The following CHD9 variants were observed in gnomAD, a reference collection of about 807,000 sequenced individuals.
CHD9 encodes the protein chromodomain helicase DNA binding protein 9.
In CHD9, 77 loss-of-function variants were observed where a neutral mutation model predicts 316.1. That is an observed-to-expected ratio of 0.24 (90% CI 0.20 to 0.29). The LOEUF is 0.29. CHD9 is among the 10% of genes least tolerant of loss of function. The probability of loss-of-function intolerance (pLI) is 1.00; values close to 1 mark genes in which losing one functional copy is unlikely to be tolerated. For synonymous variants in CHD9, 1,129 were observed against 1,158.3 expected, an observed-to-expected ratio of 0.97 and a Z score of 0.51; for missense variants, 2,763 against 3,438.1, an observed-to-expected ratio of 0.80 and a Z score of 4.91.
intron 1 of CHD9, chr16:53,121,455 C>G: frequency 2.2e-6 from 1 of 455,966 alleles, no homozygotes; most frequent in Non-Finnish European, 4.4e-6. Flanking sequence ...TTTATAAAAG[C>G]AGAACAGTGT....
At chr16:53,146,254 A>T (rs1176068414) in intron 1 of CHD9, among the ~76,000 whole-genome samples, 13 of 145,828 alleles carry the variant, frequency 8.9e-5, no homozygotes, top group Admixed American at 2.1e-4. Flanking sequence ...TTAGTCGGGC[A>T]TTGTGACGGG....
At chr16:53,222,504 G>A (rs1431276588) in intron 3 of CHD9, 140 bp from the exon 4 acceptor site, 2 of 583,150 alleles carry the variant, frequency 3.4e-6, no homozygotes, top group Non-Finnish European at 6.2e-6. Context: ...TGTCAACGTG[G>A]ATTTCAGGAT....
At chr16:53,115,347 T>C (rs1233063321) in intron 1 of CHD9, among the ~76,000 whole-genome samples, 1 of 152,232 alleles carries the variant, frequency 6.6e-6, no homozygotes, top group Admixed American at 6.5e-5. Flanking sequence ...CAAAAAGAGC[T>C]TTTAAAACGT....
At chr16:53,148,382 C>G (rs920165020) in intron 1 of CHD9, among the ~76,000 whole-genome samples, 1 of 152,196 alleles carries the variant, frequency 6.6e-6, no homozygotes, top group African/African-American at 2.4e-5. Context: ...GCTGGGACTA[C>G]AGGCACACGT....
chr16:53,272,775 A>C (rs1326267474), intron 22 of CHD9, among the ~76,000 whole-genome samples: 2 of 152,188 alleles, frequency 1.3e-5, no homozygotes, highest in Non-Finnish European at 2.9e-5. Context: ...GAATGGAAAA[A>C]CAAATTCAGG....
intron 7 of CHD9, among the ~76,000 whole-genome samples, chr16:53,228,537 G>GTTTTTTTTT (rs758037912): frequency 2.9e-5 from 3 of 105,064 alleles, no homozygotes; most frequent in African/African-American, 1.1e-4. Flanking sequence ...CCATGAAAGT[G>GTTTTTTTTT]TTTTTTTTTT....
intron 10 of CHD9, 184 bp from the exon 11 acceptor site, chr16:53,235,001 C>T (rs1443242708): frequency 7.0e-6 from 3 of 427,316 alleles, no homozygotes; most frequent in Non-Finnish European, 1.2e-5. Flanking sequence ...GGAAATATAC[C>T]TTCCTCTTCA....
chr16:53,234,773 T>C (rs2048479084), intron 10 of CHD9, among the ~76,000 whole-genome samples: 1 of 151,638 alleles, frequency 6.6e-6, no homozygotes, highest in African/African-American at 2.4e-5. Context: ...TGATCAGCAC[T>C]GATTAATTCT....
chr16:53,291,563 T>G (rs1214151335), intron 27 of CHD9, among the ~76,000 whole-genome samples, 162 bp from the exon 28 acceptor site: 1 of 152,188 alleles, frequency 6.6e-6, no homozygotes, highest in Non-Finnish European at 1.5e-5. Flanking sequence ...GGATGAGAAT[T>G]GAGAATAAGC....
At chr16:53,153,119 G>A (rs892830776) in intron 1 of CHD9, among the ~76,000 whole-genome samples, 2 of 152,168 alleles carry the variant, frequency 1.3e-5, no homozygotes, top group Non-Finnish European at 2.9e-5. Context: ...GTGAAGGTCC[G>A]TATGCCCTCA....
At chr16:53,115,594 C>T (rs1042046018) in intron 1 of CHD9, among the ~76,000 whole-genome samples, 2 of 152,144 alleles carry the variant, frequency 1.3e-5, no homozygotes, top group South Asian at 2.1e-4. Flanking sequence ...AAAACCAGGT[C>T]GGATAACTCC....
intron 37 of CHD9, chr16:53,319,948 CTAAG>C (rs1022762152): frequency 1.5e-6 from 1 of 657,734 alleles, no homozygotes; most frequent in Non-Finnish European, 2.0e-6. Flanking sequence ...ATTACAGAGA[CTAAG>C]TAAATATACT....
Position 53,268,098 on chromosome 16 carries a change from A to G in CHD9, c.4689A>G (p.Gly1563=). Residue 1563 remains glycine (G), a synonymous_variant, in exon 22 of 39, where the codon GGA becomes GGG. Coordinates refer to ENST00000447540, the MANE Select transcript of CHD9 (RefSeq NM_001308319.2). ...IWDLITPTED[G]QTRELQNHLG... ...ATCTCATTACTCCAACTGAAGATGG[A>G]CAGACACGAGAGCTACAGAATCATC... 1 of 1,611,204 alleles carries G rather than the reference A, an allele frequency of 6.2e-7. No individual in the cohort carries two copies. The highest frequency in any genetic ancestry group is 8.5e-7 in the Non-Finnish European group (1 of 1,178,366).
At chr16:53,278,609 C>T (rs1371716834) in intron 24 of CHD9, among the ~76,000 whole-genome samples, 2 of 152,124 alleles carry the variant, frequency 1.3e-5, no homozygotes, top group Non-Finnish European at 2.9e-5. Flanking sequence ...ATGCAATCTA[C>T]TTATCTGACA....
At chr16:53,313,314 T>C (rs1046454980) in intron 34 of CHD9, among the ~76,000 whole-genome samples, 1 of 151,464 alleles carries the variant, frequency 6.6e-6, no homozygotes, top group Non-Finnish European at 1.5e-5. Context: ...GGACAAAGTG[T>C]TTTTTTTCTG....
chr16:53,144,217 T>TG (rs769433404), intron 1 of CHD9, among the ~76,000 whole-genome samples: 5 of 152,170 alleles, frequency 3.3e-5, no homozygotes, highest in Admixed American at 1.3e-4. Context: ...ACTATTTTCT[T>TG]GGGAGACTAT....
chr16:53,083,071 A>G (rs1023999099), intron 1 of CHD9, among the ~76,000 whole-genome samples: 3 of 152,244 alleles, frequency 2.0e-5, no homozygotes, highest in Non-Finnish European at 4.4e-5. Context: ...ACAAATAGGC[A>G]TTGATTAAGT....
At chr16:53,057,448 T>A (rs1490311815) in intron 1 of CHD9, among the ~76,000 whole-genome samples, 2 of 151,128 alleles carry the variant, frequency 1.3e-5, no homozygotes, top group Non-Finnish European at 2.9e-5. Context: ...AGGTCAAGAG[T>A]TCGAGACCAG....
intron 1 of CHD9, among the ~76,000 whole-genome samples, chr16:53,086,948 C>T (rs573240480): frequency 6.6e-6 from 1 of 152,266 alleles, no homozygotes; most frequent in South Asian, 2.1e-4. Context: ...TCAGGTGTCC[C>T]TTTCTGCACC....
Sources: gnomAD v4.1 joint callset for allele counts (sites outside exome capture counted in the v4.1 genomes callset) on GRCh38, gnomAD v4.1.1 for gene constraint, MANE v1.5 for transcripts, NCBI Gene and HGNC (gene_info 2026-07-23, HGNC 2026-07-21) for gene names.